ADAM20: variants seen among roughly 807,000 people sequenced by gnomAD.
ADAM20 encodes the protein disintegrin and metalloproteinase domain-containing protein 20.
For missense variants in ADAM20, 871 were observed against 883.2 expected (o/e 0.99, Z 0.18); for synonymous variants, 305 against 310.2 (o/e 0.98, Z 0.18).
chr14:70,541,807 C>T, the ADAM20 span, among the ~76,000 whole-genome samples: 5 of 152,154 alleles, frequency 3.3e-5, no homozygotes, highest in South Asian at 2.1e-4. Context: ...GTAATAATTA[C>T]ACTATACATT....
At chr14:70,563,674 T>C in the ADAM20 span, among the ~76,000 whole-genome samples, 1 of 151,272 alleles carries the variant, frequency 6.6e-6, no homozygotes, top group Admixed American at 6.6e-5. Flanking sequence ...GAGTGTATTC[T>C]CCCAAGACCT....
At chr14:70,572,681 T>C in the ADAM20 span, among the ~76,000 whole-genome samples, 1 of 151,958 alleles carries the variant, frequency 6.6e-6, no homozygotes, top group East Asian at 1.9e-4. Context: ...GATGGGTGAA[T>C]ATATTTGCAA....
the ADAM20 span, among the ~76,000 whole-genome samples, chr14:70,566,961 A>T: frequency 6.6e-6 from 1 of 152,066 alleles, no homozygotes; most frequent in African/African-American, 2.4e-5. Flanking sequence ...CAGCCTGGGC[A>T]ACAAGAGCGA....
In ADAM20 at chr14:70,523,716, A is replaced by G. The variant is rs761722594; in HGVS notation, c.1042T>C (p.Leu348=). 1.2e-6 allele frequency: 2 copies of G among 1,614,062 alleles called. No individual in the cohort carries two copies. The highest frequency in any genetic ancestry group is 2.2e-5 in the South Asian group (2 of 91,088). ...ITLGHELGHN[L]GMQHDTQWCV... ...CACTGGGTGTCATGTTGCATACCCA[A>G]ATTATGACCAAGCTCGTGGCCCAAA... The change falls in exon 2 of 2, where the codon TTG becomes CTG. Residue 348 remains leucine (L), a synonymous_variant. Transcript: ENST00000256389.
Position 70,522,934 on chromosome 14 carries a change from C to T in ADAM20, c.1824G>A (p.Val608=), listed in dbSNP as rs765353835. The T allele has an allele frequency of 1.2e-6, 2 of 1,614,068 alleles. No individual in the cohort carries two copies. The highest frequency in any genetic ancestry group is 3.3e-5 in the Admixed American group (2 of 59,994). Residue 608 remains valine, a synonymous_variant, in exon 2 of 2, where the codon GTG becomes GTA. Coordinates refer to ENST00000256389, the MANE Select transcript of ADAM20 (RefSeq NM_003814.5). The part of the protein sequence containing the change: ...LGMAIPDIGE[V]KDGTVCGPEK... ...CTGGACCACATACTGTGCCATCTTT[C>T]ACCTCACCAATATCAGGTATAGCCA...
At chr14:70,544,108 C>G in the ADAM20 span, among the ~76,000 whole-genome samples, 1 of 151,942 alleles carries the variant, frequency 6.6e-6, no homozygotes, top group Non-Finnish European at 1.5e-5. Context: ...ACCTCCCCTC[C>G]GACCAGAGAC....
upstream of ADAM20, among the ~76,000 whole-genome samples, chr14:70,537,452 C>T (rs1883860362): frequency 6.6e-6 from 1 of 152,208 alleles, no homozygotes; most frequent in Admixed American, 6.5e-5. Flanking sequence ...ATTCAGCCAG[C>T]TGGTAAGATC....
At chr14:70,525,382 T>G (rs1008996732) in intron 1 of ADAM20, among the ~76,000 whole-genome samples, 1 of 152,112 alleles carries the variant, frequency 6.6e-6, no homozygotes, top group African/African-American at 2.4e-5. Flanking sequence ...CTAATTTTTC[T>G]TTTTGATTTT....
the ADAM20 span, among the ~76,000 whole-genome samples, chr14:70,578,496 G>C: frequency 6.6e-6 from 1 of 152,054 alleles, no homozygotes; most frequent in African/African-American, 2.4e-5. Flanking sequence ...AGACAAATGA[G>C]ACTCACTTGA....
intron 1 of ADAM20, among the ~76,000 whole-genome samples, chr14:70,527,014 G>GTAACC (rs1344559626): frequency 1.3e-5 from 2 of 152,118 alleles, no homozygotes; most frequent in Admixed American, 6.6e-5. Flanking sequence ...TTCAAACACT[G>GTAACC]TAACCAGAGT....
chr14:70,542,063 T>C, the ADAM20 span, among the ~76,000 whole-genome samples: 1 of 148,196 alleles, frequency 6.7e-6, no homozygotes, highest in East Asian at 1.9e-4. Context: ...GAGTGATCTT[T>C]TTGATGTTTT....
the ADAM20 span, among the ~76,000 whole-genome samples, chr14:70,564,789 G>A: frequency 8.9e-6 from 1 of 112,328 alleles, no homozygotes; most frequent in African/African-American, 3.5e-5. Flanking sequence ...GCTCACACCT[G>A]TAATCCCAGC....
the ADAM20 span, among the ~76,000 whole-genome samples, chr14:70,574,419 T>C: frequency 1.3e-5 from 2 of 151,650 alleles, no homozygotes; most frequent in Admixed American, 1.3e-4. Context: ...GGTGGGCAGA[T>C]CATGAGGTCA....
upstream of ADAM20, among the ~76,000 whole-genome samples, chr14:70,536,111 G>C (rs1473525736): frequency 6.6e-6 from 1 of 152,090 alleles, no homozygotes; most frequent in Non-Finnish European, 1.5e-5. Flanking sequence ...AAATGTGCAT[G>C]GGACATATAC....
At chr14:70,575,255 C>A in the ADAM20 span, among the ~76,000 whole-genome samples, 2 of 151,886 alleles carry the variant, frequency 1.3e-5, no homozygotes, top group African/African-American at 4.8e-5. Context: ...AATGCAGTGA[C>A]GTGATCTCAG....
At chr14:70,557,441 T>A in the ADAM20 span, 4 of 152,236 alleles carry the variant, frequency 2.6e-5, no homozygotes, top group Non-Finnish European at 5.9e-5. Flanking sequence ...TCCCCAACTA[T>A]TAACAATTCT....
the ADAM20 span, chr14:70,556,232 G>A: frequency 6.6e-6 from 1 of 152,516 alleles, no homozygotes; most frequent in Non-Finnish European, 1.5e-5. Flanking sequence ...AATTTTCCCA[G>A]GCGAAGTGGG....
chr14:70,546,588 T>G, the ADAM20 span, among the ~76,000 whole-genome samples: 1 of 152,162 alleles, frequency 6.6e-6, no homozygotes, highest in South Asian at 2.1e-4. Context: ...GAGGGATGAC[T>G]TTGAATAGAA....
chr14:70,522,568 C>T lies in ADAM20; in HGVS notation c.*9G>A. The T allele has an allele frequency of 6.4e-7, 1 of 1,556,436 alleles. No homozygotes were observed. Among genetic ancestry groups the T allele is most frequent in the Non-Finnish European group, 8.7e-7 (1 of 1,154,036 alleles). ...ATAAAGTTTAGTCTCCTTCTTTTTCCCATTTCTCTTATCCTTCTTCATCTT... is the reference window on the plus strand; with the variant it reads ...ATAAAGTTTAGTCTCCTTCTTTTTCTCATTTCTCTTATCCTTCTTCATCTT... On this transcript the variant is annotated 3_prime_UTR_variant, in exon 2 of 2. Transcript: ENST00000256389.
Sources: allele counts gnomAD v4.1 joint callset (sites outside exome capture counted in the v4.1 genomes callset), GRCh38; gene constraint gnomAD v4.1.1; transcripts MANE v1.5; gene names NCBI Gene and HGNC (gene_info 2026-07-23, HGNC 2026-07-21).